The following SHC4 variants were observed in gnomAD, a reference collection of about 807,000 sequenced individuals.
SHC4 encodes SHC adaptor protein 4.
A neutral mutation model predicts 69.4 loss-of-function variants in SHC4; 41 were observed. The ratio of observed to expected loss-of-function variants is 0.59; its 90% CI spans 0.46 to 0.77. SHC4 has a LOEUF of 0.77. Ranked by LOEUF, SHC4 falls within the 30% of genes least tolerant of loss-of-function variation. The probability of loss-of-function intolerance (pLI) is 0.00; values close to 1 mark genes in which losing one functional copy is unlikely to be tolerated. For synonymous variants in SHC4, 318 were observed against 299.3 expected (o/e 1.06, Z -0.64); for missense variants, 777 against 783.8 (o/e 0.99, Z 0.10).
intron 1 of SHC4, among the ~76,000 whole-genome samples, chr15:48,942,120 C>T (rs769412064): frequency 1.3e-5 from 2 of 152,086 alleles, no homozygotes; most frequent in African/African-American, 2.4e-5. Context: ...TTCAGGATTA[C>T]ATCACAGGGT....
chr15:48,840,560 G>T (rs1476015335), intron 10 of SHC4, among the ~76,000 whole-genome samples: 1 of 152,062 alleles, frequency 6.6e-6, no homozygotes, highest in Non-Finnish European at 1.5e-5. Context: ...GAGGCAGGAA[G>T]GAAGAAAATA....
At chr15:48,914,192 T>C (rs895434865) in intron 2 of SHC4, among the ~76,000 whole-genome samples, 1 of 152,248 alleles carries the variant, frequency 6.6e-6, no homozygotes, top group East Asian at 1.9e-4. Flanking sequence ...CTTGAGCCTT[T>C]CGCTTGATTG....
At chr15:48,934,583 T>G (rs1458800044) in intron 1 of SHC4, among the ~76,000 whole-genome samples, 1 of 152,148 alleles carries the variant, frequency 6.6e-6, no homozygotes, top group Non-Finnish European at 1.5e-5. Flanking sequence ...GACCCAGCAA[T>G]TCCACTCCTA....
intron 4 of SHC4, among the ~76,000 whole-genome samples, chr15:48,872,567 T>C (rs1178784503): frequency 6.6e-6 from 1 of 152,264 alleles, no homozygotes; most frequent in East Asian, 1.9e-4. Flanking sequence ...TTTCTTCTGA[T>C]GAAAATCGGA....
At chr15:48,891,340 T>C (rs893181279) in intron 2 of SHC4, among the ~76,000 whole-genome samples, 2 of 152,206 alleles carry the variant, frequency 1.3e-5, no homozygotes, top group Non-Finnish European at 2.9e-5. Context: ...CTGCGAGCCA[T>C]TGAGCTTTCA....
intron 1 of SHC4, among the ~76,000 whole-genome samples, chr15:48,940,061 G>A (rs755175102): frequency 3.9e-5 from 6 of 152,214 alleles, no homozygotes; most frequent in Non-Finnish European, 7.3e-5. Flanking sequence ...GTTGCTCTAG[G>A]TGTCTGCTAA....
chr15:48,923,557 A>C (rs1460591663), intron 2 of SHC4, among the ~76,000 whole-genome samples: 3 of 150,746 alleles, frequency 2.0e-5, no homozygotes, highest in South Asian at 2.1e-4. Context: ...AAAAAAAAAA[A>C]AAACAAAAAA....
chr15:48,921,648 A>G (rs1182038053), intron 2 of SHC4, among the ~76,000 whole-genome samples: 3 of 152,200 alleles, frequency 2.0e-5, no homozygotes, highest in Non-Finnish European at 4.4e-5. Context: ...TTACTGTTTA[A>G]TGAGTACAGA....
chr15:48,842,430 G>A (rs371589433), intron 10 of SHC4, among the ~76,000 whole-genome samples: 7 of 152,178 alleles, frequency 4.6e-5, no homozygotes, highest in Middle Eastern at 3.4e-3. Context: ...TCAAAAGTTC[G>A]AAGTAAATTT....
At chr15:48,828,350 G>T (rs561405364) in intron 11 of SHC4, among the ~76,000 whole-genome samples, 1 of 152,182 alleles carries the variant, frequency 6.6e-6, no homozygotes, top group South Asian at 2.1e-4. Flanking sequence ...TTCTATGGTT[G>T]TTCTATGGTG....
In SHC4 at chr15:48,825,076, A is replaced by C. The variant is rs929097332; in HGVS notation, c.*895T>G. ...GATTCTGTACTTTTACTAAGAATGAAACCAATTTGAATAGTAAATATGAAG... is the reference window on the plus strand; with the variant it reads ...GATTCTGTACTTTTACTAAGAATGACACCAATTTGAATAGTAAATATGAAG... On this transcript the variant is annotated 3_prime_UTR_variant, in exon 12 of 12. Transcript: ENST00000332408. 2 of 152,570 alleles carry C rather than the reference A, an allele frequency of 1.3e-5. No homozygotes were observed. The highest frequency in any genetic ancestry group is 2.9e-5 in the Non-Finnish European group (2 of 68,028). 9.5% of individuals were successfully genotyped at this position (152,570 alleles called of 1,614,324 possible).
intron 1 of SHC4, among the ~76,000 whole-genome samples, chr15:48,960,092 T>C (rs1595771208): frequency 6.6e-6 from 1 of 152,360 alleles, no homozygotes; most frequent in African/African-American, 2.4e-5. Flanking sequence ...ATATCGGCAA[T>C]CTTGTGAGGT....
At chr15:48,907,293 C>G (rs1214170633) in intron 2 of SHC4, among the ~76,000 whole-genome samples, 1 of 150,706 alleles carries the variant, frequency 6.6e-6, no homozygotes, top group Non-Finnish European at 1.5e-5. Flanking sequence ...GGCGCTAGCT[C>G]GGCTCACTGC....
intron 10 of SHC4, among the ~76,000 whole-genome samples, chr15:48,842,316 T>A (rs1595728544): frequency 6.6e-6 from 1 of 152,300 alleles, no homozygotes; most frequent in South Asian, 2.1e-4. Flanking sequence ...ATTAATGCTA[T>A]CCCTAACAGA....
intron 1 of SHC4, among the ~76,000 whole-genome samples, chr15:48,958,493 G>T (rs1901489693): frequency 6.6e-6 from 1 of 152,230 alleles, no homozygotes; most frequent in Non-Finnish European, 1.5e-5. Flanking sequence ...GGCCACTGCA[G>T]TTACCTGCCA....
intron 1 of SHC4, among the ~76,000 whole-genome samples, chr15:48,925,349 G>T (rs1292926831): frequency 6.6e-6 from 1 of 152,164 alleles, no homozygotes; most frequent in African/African-American, 2.4e-5. Context: ...AATAGGAATT[G>T]TTAGGAGAGT....
At chr15:48,842,539 G>A (rs565737148) in intron 10 of SHC4, among the ~76,000 whole-genome samples, 18 of 152,312 alleles carry the variant, frequency 1.2e-4, no homozygotes, top group Non-Finnish European at 2.2e-4. Flanking sequence ...GGTGAAGGAT[G>A]GAGGTAAAGA....
rs149226768 is a variant in SHC4 at position 48,962,180 on chromosome 15, G to A, written c.585+251C>T. ...CAGAACTTGCCTCTACACCTGCCAA[G>A]TACCCACAAGTTCATGTCCTACAAG... On this transcript the variant is annotated intron_variant, in intron 1 of 11. Coordinates refer to ENST00000332408, the MANE Select transcript of SHC4 (RefSeq NM_203349.4). 2.6e-4 allele frequency among the ~76,000 whole-genome samples: 40 copies of A among 152,242 alleles called. No individual in the cohort carries two copies. In the East Asian group the frequency reaches 7.5e-3, roughly 29 times the overall value.
intron 1 of SHC4, among the ~76,000 whole-genome samples, chr15:48,961,903 A>G (rs1901551864): frequency 6.6e-6 from 1 of 152,236 alleles, no homozygotes; most frequent in Non-Finnish European, 1.5e-5. Context: ...AGCTCCTGGC[A>G]CAAGGTTAGA....
Sources: allele counts gnomAD v4.1 joint callset (sites outside exome capture counted in the v4.1 genomes callset), GRCh38; gene constraint gnomAD v4.1.1; transcripts MANE v1.5; gene names NCBI Gene and HGNC (gene_info 2026-07-23, HGNC 2026-07-21).